SLC22A9: variants seen among roughly 807,000 people sequenced by gnomAD.
SLC22A9 encodes solute carrier family 22 member 9, also known as organic anion transporter 7.
Under a neutral mutation model 50.1 loss-of-function variants are expected in SLC22A9, and 64 were observed. That is an observed-to-expected ratio of 1.28 (90% confidence interval 1.04 to 1.57). The LOEUF is 1.57. Ranked by LOEUF, SLC22A9 falls within the 40% of genes most tolerant of loss-of-function variation. SLC22A9 has a pLI of 0.00. For synonymous variants in SLC22A9, 261 were observed against 242.5 expected, an observed-to-expected ratio of 1.08 and a Z score of -0.71; for missense variants, 757 against 676.1, an observed-to-expected ratio of 1.12 and a Z score of -1.33.
At chr11:63,390,623 C>A (rs1226412729) in intron 6 of SLC22A9, among the ~76,000 whole-genome samples, 1 of 152,068 alleles carries the variant, frequency 6.6e-6, no homozygotes, top group Non-Finnish European at 1.5e-5. Flanking sequence ...AGCCAGGTAG[C>A]ATGATGTCTC....
chr11:63,409,042 C>T (rs73485839), intron 9 of SLC22A9, among the ~76,000 whole-genome samples, 163 bp downstream of exon 9: 2,579 of 152,224 alleles, frequency 0.017, 63 homozygotes, highest in African/African-American at 0.059. Flanking sequence ...CATGCCTTCC[C>T]ACAGTGACCT....
At chr11:63,375,797 T>C in intron 5 of SLC22A9, 29 bp downstream of exon 5, 2 of 1,606,460 alleles carry the variant, frequency 1.2e-6, no homozygotes, top group Non-Finnish European at 1.7e-6. Flanking sequence ...AGATATGGGA[T>C]GTAGGGAAGA....
chr11:63,384,131 G>A (rs149847635), intron 6 of SLC22A9, among the ~76,000 whole-genome samples: 1 of 152,178 alleles, frequency 6.6e-6, no homozygotes, highest in Non-Finnish European at 1.5e-5. Context: ...AATAAATCAG[G>A]GAGTAGATGA....
chr11:63,391,872 T>C (rs2119954398), intron 6 of SLC22A9, among the ~76,000 whole-genome samples: 1 of 152,136 alleles, frequency 6.6e-6, no homozygotes, highest in African/African-American at 2.4e-5. Context: ...GGTTGTTTTG[T>C]GGTAGTATCT....
In SLC22A9 at chr11:63,409,837, C is replaced by T. The variant is rs756160377; in HGVS notation, c.1637C>T (p.Pro546Leu). 45 of 1,613,256 alleles carry T rather than the reference C, an allele frequency of 2.8e-5. No individual in the cohort carries two copies. The highest frequency in any genetic ancestry group is 2.0e-4 in the East Asian group (9 of 44,816). ...CCCAGAGAACCAAAGCAAGAGGATC[C>T]GAGAGTGGAAGTGACGCAGTTTTAA... Reference protein sequence around the residue: ...KDPREPKQEDPRVEVTQF With the variant: ...KDPREPKQEDLRVEVTQF Residue 546 changes from proline to leucine, a missense_variant, in exon 10 of 10, where the codon CCG becomes CTG. Pro to Leu is a moderately conservative substitution (Grantham distance 98). Transcript: ENST00000279178.
intron 6 of SLC22A9, among the ~76,000 whole-genome samples, chr11:63,398,143 G>A (rs534085611): frequency 2.2e-4 from 34 of 152,244 alleles, no homozygotes; most frequent in Non-Finnish European, 3.2e-4. Flanking sequence ...AAGGCAGTAC[G>A]TTTCCTTCTG....
chr11:63,371,948 A>G (rs546002007), intron 2 of SLC22A9, among the ~76,000 whole-genome samples: 1 of 152,266 alleles, frequency 6.6e-6, no homozygotes, highest in East Asian at 1.9e-4. Flanking sequence ...GCCATCCACC[A>G]ACATCATGTC....
intron 6 of SLC22A9, among the ~76,000 whole-genome samples, chr11:63,404,797 C>G (rs2015009016): frequency 6.6e-6 from 1 of 152,110 alleles, no homozygotes; most frequent in Non-Finnish European, 1.5e-5. Context: ...TTATGTCTGC[C>G]TGACCATTGC....
chr11:63,381,873 C>T (rs890785729), intron 5 of SLC22A9, among the ~76,000 whole-genome samples: 1 of 152,120 alleles, frequency 6.6e-6, no homozygotes, highest in Non-Finnish European at 1.5e-5. Context: ...TATTCGGTCC[C>T]CATCATGGTC....
At chr11:63,376,210 A>G (rs2014458688) in intron 5 of SLC22A9, among the ~76,000 whole-genome samples, 1 of 152,072 alleles carries the variant, frequency 6.6e-6, no homozygotes, top group Non-Finnish European at 1.5e-5. Context: ...TCTTCCATTT[A>G]TGATACATTT....
In SLC22A9 at chr11:63,402,933, T is replaced by C. The variant is rs534192552; in HGVS notation, c.1074-3564T>C. ...TTCACCATTTTTTGAAGTTCACACATATACATGCTCATCAACTTTTGCTTC... is the reference window on the plus strand; with the variant it reads ...TTCACCATTTTTTGAAGTTCACACACATACATGCTCATCAACTTTTGCTTC... On this transcript the variant is annotated intron_variant, in intron 6 of 9. Transcript: ENST00000279178. 2.0e-5 allele frequency among the ~76,000 whole-genome samples: 3 copies of C among 152,254 alleles called. No individual in the cohort carries two copies. The South Asian group carries it at 6.2e-4, about 32-fold the overall frequency.
chr11:63,406,536 T>C lies in SLC22A9; in HGVS notation c.1113T>C (p.His371=), dbSNP rs761485906. 2.5e-6 allele frequency: 4 copies of C among 1,613,826 alleles called. No individual in the cohort carries two copies. The highest frequency in any genetic ancestry group is 4.5e-5 in the East Asian group (2 of 44,878). Residue 371 remains histidine (H), a synonymous_variant, in exon 7 of 10, where the codon CAT becomes CAC. Coordinates refer to ENST00000279178, the MANE Select transcript of SLC22A9 (RefSeq NM_080866.3). ...TGGCCTATTTTGGCCTTAATCTCCA[T>C]GTCCAGCATCTGGGGAACAATGTTT... ...NFMAYFGLNL[H]VQHLGNNVFL... is the part of the protein sequence containing the mutation.
chr11:63,397,406 C>T (rs1267463560), intron 6 of SLC22A9, among the ~76,000 whole-genome samples: 3 of 152,094 alleles, frequency 2.0e-5, no homozygotes, highest in African/African-American at 7.2e-5. Flanking sequence ...TGCCCAAGGC[C>T]CTAGGGCTCT....
intron 4 of SLC22A9, among the ~76,000 whole-genome samples, chr11:63,374,987 G>A (rs1398704468): frequency 6.6e-6 from 1 of 152,132 alleles, no homozygotes; most frequent in African/African-American, 2.4e-5. Flanking sequence ...CCAGTTCAGT[G>A]AAAGACATCT....
At position 63,406,537 on chromosome 11, in the gene SLC22A9, G is replaced by A. The variant is rs767097186; in HGVS notation, c.1114G>A (p.Val372Ile). 1 of 1,613,568 alleles carries A rather than the reference G, an allele frequency of 6.2e-7. No individual in the cohort carries two copies. The highest frequency in any genetic ancestry group is 1.3e-5 in the African/African-American group (1 of 74,852). ...FMAYFGLNLHVQHLGNNVFLL... is the reference protein window; with the variant it reads ...FMAYFGLNLHIQHLGNNVFLL... ...GGCCTATTTTGGCCTTAATCTCCATGTCCAGCATCTGGGGAACAATGTTTT... is the reference window on the plus strand; with the variant it reads ...GGCCTATTTTGGCCTTAATCTCCATATCCAGCATCTGGGGAACAATGTTTT... The change falls in exon 7 of 10, where the codon GTC becomes ATC. Residue 372 changes from valine to isoleucine, a missense_variant. Coordinates refer to ENST00000279178, the MANE Select transcript of SLC22A9 (RefSeq NM_080866.3).
At chr11:63,384,389 A>C (rs960394171) in intron 6 of SLC22A9, among the ~76,000 whole-genome samples, 1 of 152,104 alleles carries the variant, frequency 6.6e-6, no homozygotes, top group Non-Finnish European at 1.5e-5. Context: ...GAGAACATGC[A>C]GTGTTTGGTT....
intron 6 of SLC22A9, among the ~76,000 whole-genome samples, chr11:63,405,911 T>A (rs2015028332): frequency 6.6e-6 from 1 of 152,160 alleles, no homozygotes. Context: ...TTCCAAAAAA[T>A]TAATGACAAT....
chr11:63,409,438 TAA>T (rs10570779), intron 9 of SLC22A9, among the ~76,000 whole-genome samples: 116 of 146,912 alleles, frequency 7.9e-4, no homozygotes, highest in South Asian at 2.6e-3. Context: ...TCTGATGAGC[TAA>T]AAAAAAAAAA....
Position 63,406,419 on chromosome 11 carries a change from T to G in SLC22A9, c.1074-78T>G, listed in dbSNP as rs1263171848. The G allele has an allele frequency of 2.3e-6, 3 of 1,316,006 alleles. No homozygotes were observed. The African/African-American group carries it at 4.4e-5, about 19-fold the overall frequency. 81.5% of individuals were successfully genotyped at this position (1,316,006 alleles called of 1,614,324 possible). On this transcript the variant is annotated intron_variant, in intron 6 of 9. Transcript: ENST00000279178. ...TATACTTTAACAATCCCTAGCTGCC[T>G]GGGCCAATATTATTCTCATTTGTAG...
Sources: allele counts gnomAD v4.1 joint callset (sites outside exome capture counted in the v4.1 genomes callset), GRCh38; gene constraint gnomAD v4.1.1; transcripts MANE v1.5; gene names NCBI Gene and HGNC (gene_info 2026-07-23, HGNC 2026-07-21).